Variants in NELL1 observed in about 807,000 individuals in gnomAD.
NELL1 encodes neural EGFL like 1.
NELL1 carries 76 observed loss-of-function variants against 107.4 expected under a neutral mutation model. The ratio of observed to expected loss-of-function variants is 0.71; its 90% CI spans 0.59 to 0.86. NELL1 has a LOEUF of 0.86. NELL1 is among the 40% of genes least tolerant of loss of function. The pLI, the probability that NELL1 is intolerant of heterozygous loss-of-function variation, is 0.00. For synonymous variants in NELL1, 353 were observed against 341.2 expected, an observed-to-expected ratio of 1.03 and a Z score of -0.38; for missense variants, 1,024 against 1,005.5, an observed-to-expected ratio of 1.02 and a Z score of -0.25.
intron 12 of NELL1, among the ~76,000 whole-genome samples, chr11:21,096,792 A>G (rs1000917145): frequency 6.6e-6 from 1 of 152,036 alleles, no homozygotes; most frequent in Non-Finnish European, 1.5e-5. Flanking sequence ...ATGGCTCACT[A>G]TAGCCTTGAC....
chr11:20,904,041 A>G (rs1849937210), intron 5 of NELL1, among the ~76,000 whole-genome samples: 1 of 152,084 alleles, frequency 6.6e-6, no homozygotes, highest in South Asian at 2.1e-4. Context: ...CTTATTCACA[A>G]ATTATTTTGC....
Position 21,030,045 on chromosome 11 carries a change from G to A in NELL1, c.1300+69485G>A, listed in dbSNP as rs563390390. ...AATGAAGTGATTGGAAGCTCATCAC[G>A]ATATATTAGATGATAGATCTGCACA... On this transcript the variant is annotated intron_variant, in intron 12 of 19. Transcript: ENST00000357134. 6.6e-4 allele frequency among the ~76,000 whole-genome samples: 100 copies of A among 152,270 alleles called. 3 individuals are homozygous for A. Among genetic ancestry groups the A allele is most frequent in the Non-Finnish European group, 3.4e-4 (23 of 68,010 alleles).
intron 12 of NELL1, among the ~76,000 whole-genome samples, chr11:21,030,044 C>T (rs1852915069): frequency 1.3e-5 from 2 of 152,104 alleles, no homozygotes; most frequent in South Asian, 2.1e-4. Context: ...AAGCTCATCA[C>T]GATATATTAG....
At chr11:20,930,574 G>A (rs1261904479) in intron 9 of NELL1, among the ~76,000 whole-genome samples, 1 of 151,808 alleles carries the variant, frequency 6.6e-6, no homozygotes, top group Admixed American at 6.6e-5. Context: ...GTATATTTTT[G>A]TATTTTATAT....
At chr11:20,739,952 T>A (rs968749731) in intron 2 of NELL1, among the ~76,000 whole-genome samples, 5 of 152,210 alleles carry the variant, frequency 3.3e-5, no homozygotes, top group African/African-American at 1.2e-4. Context: ...GGAGGAAGAT[T>A]CAGAGAGGGA....
chr11:20,757,034 G>T (rs191141402), intron 2 of NELL1, among the ~76,000 whole-genome samples: 1 of 152,080 alleles, frequency 6.6e-6, no homozygotes, highest in East Asian at 1.9e-4. Flanking sequence ...TAGATGTTGG[G>T]GAAGGATATC....
intron 5 of NELL1, among the ~76,000 whole-genome samples, chr11:20,889,564 A>G (rs1393668487): frequency 1.3e-5 from 2 of 152,240 alleles, no homozygotes; most frequent in Non-Finnish European, 2.9e-5. Flanking sequence ...AGTGATTATT[A>G]TTCTGAATGA....
chr11:21,083,940 A>C (rs1003913223), intron 12 of NELL1, among the ~76,000 whole-genome samples: 6 of 152,204 alleles, frequency 3.9e-5, no homozygotes, highest in African/African-American at 1.2e-4. Flanking sequence ...TTGGGATTTC[A>C]TTAAGAAATA....
intron 2 of NELL1, among the ~76,000 whole-genome samples, chr11:20,747,682 T>C (rs1470212679): frequency 1.3e-5 from 2 of 152,174 alleles, no homozygotes; most frequent in Admixed American, 1.3e-4. Flanking sequence ...AACATGCGTT[T>C]TGGAGGTGAC....
chr11:21,574,239 C>T (rs1399037071), intron 19 of NELL1, among the ~76,000 whole-genome samples: 1 of 108,504 alleles, frequency 9.2e-6, no homozygotes, highest in African/African-American at 2.7e-5. Flanking sequence ...CCTCTTTATG[C>T]TGTTATAAAT....
At chr11:20,911,707 C>T (rs1038472675) in intron 5 of NELL1, among the ~76,000 whole-genome samples, 2 of 152,162 alleles carry the variant, frequency 1.3e-5, no homozygotes, top group East Asian at 1.9e-4. Context: ...GAGAGCAAGG[C>T]GGTTCTTCTT....
intron 15 of NELL1, among the ~76,000 whole-genome samples, chr11:21,426,603 T>G (rs1020495268): frequency 2.6e-5 from 4 of 152,210 alleles, no homozygotes; most frequent in African/African-American, 9.7e-5. Flanking sequence ...TGCACACTTT[T>G]AAGCAAGCTC....
chr11:21,272,361 C>T lies in NELL1; in HGVS notation c.1549+42907C>T, dbSNP rs182905273. Among the ~76,000 whole-genome samples, 17 of 152,276 alleles carry T rather than the reference C, an allele frequency of 1.1e-4. No homozygotes were observed. In the East Asian group the frequency reaches 1.7e-3, roughly 16 times the overall value. ...GCAGCAGTGAGGCCGGGGGAGGGGG[C>T]GCCTGCCATTGCCAAGGCTTGAGTA... On this transcript the variant is annotated intron_variant, in intron 14 of 19. Transcript: ENST00000357134.
At chr11:21,177,712 C>T (rs1478444037) in intron 13 of NELL1, among the ~76,000 whole-genome samples, 1 of 151,828 alleles carries the variant, frequency 6.6e-6, no homozygotes, top group Non-Finnish European at 1.5e-5. Flanking sequence ...TTTATAATGG[C>T]TGTACTAATT....
intron 11 of NELL1, among the ~76,000 whole-genome samples, chr11:20,953,849 G>C (rs1245119489): frequency 6.6e-6 from 1 of 152,126 alleles, no homozygotes; most frequent in African/African-American, 2.4e-5. Context: ...TCTCCATCAT[G>C]ATATCCCCTT....
At chr11:21,465,696 A>G (rs1403394258) in intron 15 of NELL1, among the ~76,000 whole-genome samples, 1 of 152,070 alleles carries the variant, frequency 6.6e-6, no homozygotes, top group Non-Finnish European at 1.5e-5. Flanking sequence ...AGGAGGATGT[A>G]GTGGATAAGT....
chr11:21,424,703 G>C (rs1364230160), intron 15 of NELL1, among the ~76,000 whole-genome samples: 3 of 152,020 alleles, frequency 2.0e-5, no homozygotes, highest in Non-Finnish European at 4.4e-5. Flanking sequence ...AGGACAAAAT[G>C]GACAATTGCT....
At position 21,496,557 on chromosome 11, in the gene NELL1, G is replaced by A. The variant is rs186887903; in HGVS notation, c.1646-37817G>A. Among the ~76,000 whole-genome samples the A allele has an allele frequency of 3.2e-3, 487 of 151,524 alleles. 3 individuals are homozygous for A. The highest frequency in any genetic ancestry group is 0.011 in the African/African-American group (443 of 41,344). On this transcript the variant is annotated intron_variant, in intron 15 of 19. Coordinates refer to ENST00000357134, the MANE Select transcript of NELL1 (RefSeq NM_006157.5). ...CCCGAGTAGCTGGGACTACAGGCGC[G>A]TGCCACCACCCCCAGCTAATTTTTT... is the stretch of plus-strand genomic sequence containing the variant.
chr11:21,332,622 G>T (rs1945439), intron 14 of NELL1, among the ~76,000 whole-genome samples: 43,065 of 151,786 alleles, frequency 0.28, 6,225 homozygotes, highest in Admixed American at 0.38. Context: ...TGGAAGTCCT[G>T]TCTTTGATTT....
Sources: gnomAD v4.1 joint callset for allele counts (sites outside exome capture counted in the v4.1 genomes callset) on GRCh38, gnomAD v4.1.1 for gene constraint, MANE v1.5 for transcripts, NCBI Gene and HGNC (gene_info 2026-07-23, HGNC 2026-07-21) for gene names.